The following PDE6B variants were observed in gnomAD, a reference collection of about 807,000 sequenced individuals.
The protein encoded by PDE6B is rod cGMP-specific 3',5'-cyclic phosphodiesterase subunit beta.
PDE6B carries 106 observed loss-of-function variants against 109.0 expected under a neutral mutation model. The observed-to-expected ratio is 0.97, with a 90% CI of 0.83 to 1.14. The LOEUF is 1.14. Ranked by LOEUF, PDE6B falls within the 50% of genes most tolerant of loss-of-function variation. PDE6B has a pLI of 0.00. For missense variants in PDE6B, 1,193 were observed against 1,155.6 expected, an observed-to-expected ratio of 1.03 and a Z score of -0.47; for synonymous variants, 490 against 471.3, an observed-to-expected ratio of 1.04 and a Z score of -0.51.
At chr4:635,509 G>A (rs1337845162) in intron 2 of PDE6B, among the ~76,000 whole-genome samples, 3 of 113,072 alleles carry the variant, frequency 2.7e-5, no homozygotes, top group Non-Finnish European at 5.6e-5. Flanking sequence ...GTTCTGTGCT[G>A]TGCGTCCACC....
chr4:665,423 CAG>C lies in PDE6B; in HGVS notation c.2268+95_2268+96del, dbSNP rs1339903909. 2.3e-6 allele frequency: 2 copies of C among 861,742 alleles called. No individual in the cohort carries two copies. Among genetic ancestry groups the C allele is most frequent in the African/African-American group, 3.3e-5 (2 of 60,826 alleles). 53.4% of individuals were successfully genotyped at this position (861,742 alleles called of 1,614,324 possible). A position where few individuals can be genotyped will look rare whatever the true frequency, so the allele number is the denominator to read the frequency against. On this transcript the variant is annotated intron_variant, in intron 19 of 21. Transcript: ENST00000496514. The surrounding 1 kb of genome is among the most constrained non-coding windows in gnomAD (Gnocchi z 4.0). The stretch of plus-strand genomic sequence containing the variant: ...CCTCAGGTCCTGGCTTGGTCTCAGG[CAG>C]GGGGTTCTGAGGTCGTGGGGTCCTT...
chr4:661,677 A>G (rs1459623430), intron 12 of PDE6B: 1 of 153,776 alleles, frequency 6.5e-6, no homozygotes, highest in Non-Finnish European at 1.4e-5. Context: ...CCGCAGGAAG[A>G]GCCTCCTGGC....
In PDE6B at chr4:664,716, TGAGGCACAAGAATCGGGAGGCG is replaced by T. The variant is rs544741134; in HGVS notation, c.2130-160_2130-139del. On this transcript the variant is annotated intron_variant, in intron 17 of 21. Transcript: ENST00000496514. ...CTGTAATCCCAGCTACTCGGGAGGCTGAGGCACAAGAATCGGGAGGCGGAGGTTGCAGTGAGCTGAGATTGCG... is the reference window on the plus strand; with the variant it reads ...CTGTAATCCCAGCTACTCGGGAGGCTGAGGTTGCAGTGAGCTGAGATTGCG... Among the ~76,000 whole-genome samples, 700 of 152,256 alleles carry T rather than the reference TGAGGCACAAGAATCGGGAGGCG, an allele frequency of 4.6e-3. 2 individuals carry two copies. The highest frequency in any genetic ancestry group is 7.4e-3 in the Admixed American group (113 of 15,286).
At chr4:651,213 C>T (rs1436858769) in intron 3 of PDE6B, among the ~76,000 whole-genome samples, 4 of 149,906 alleles carry the variant, frequency 2.7e-5, no homozygotes, top group East Asian at 2.0e-4. Flanking sequence ...GCTGAGGCGG[C>T]GATGTCAACG....
intron 3 of PDE6B, among the ~76,000 whole-genome samples, chr4:647,626 C>T (rs1262443942): frequency 6.6e-6 from 1 of 152,016 alleles, no homozygotes; most frequent in Non-Finnish European, 1.5e-5. Flanking sequence ...GTAGGGGCCC[C>T]AGGCTCGTGA....
rs191774237 is a variant in PDE6B at position 666,714 on chromosome 4, G to A, written c.2352+100G>A. ...TCGCGTGGACTCACACGGGCCCGGC[G>A]GTGTCCTCACTGGAGTAGGGATGCC... On this transcript the variant is annotated intron_variant, in intron 20 of 21. Coordinates refer to ENST00000496514, the MANE Select transcript of PDE6B (RefSeq NM_000283.4). This position sits in a 1 kb window ranked among gnomAD's most constrained non-coding sequence, Gnocchi z 5.6. 90 of 794,754 alleles carry A rather than the reference G, an allele frequency of 1.1e-4. No homozygotes were observed. Among genetic ancestry groups the A allele is most frequent in the African/African-American group, 9.1e-4 (54 of 59,118 alleles). 49.2% of individuals were successfully genotyped at this position (794,754 alleles called of 1,614,324 possible).
chr4:654,950 C>A, intron 6 of PDE6B, 62 bp downstream of exon 6: 1 of 977,100 alleles, frequency 1.0e-6, no homozygotes, highest in Non-Finnish European at 1.7e-6. Flanking sequence ...GACCCCGGCT[C>A]AGCCCCCAGG....
rs1737813498 is a variant in PDE6B at position 666,539 on chromosome 4, G to A, written c.2277G>A (p.Met759Ile). The change falls in exon 20 of 22, where the codon ATG becomes ATA. Residue 759 changes from methionine to isoleucine, a missense_variant. Physicochemically the swap from Met to Ile is conservative, Grantham distance 10. Transcript: ENST00000496514. The surrounding 1 kb of genome is among the most constrained non-coding windows in gnomAD (Gnocchi z 5.6). ...TCTGTTCCTCCCACCAGCCTATGAT[G>A]GACCGGAACAAGGCGGCCGAGCTCC... Reference protein sequence around the residue: ...TVLDQQPIPMMDRNKAAELPK... With the variant: ...TVLDQQPIPMIDRNKAAELPK... The A allele has an allele frequency of 6.2e-7, 1 of 1,611,394 alleles. No individual in the cohort carries two copies. Among genetic ancestry groups the A allele is most frequent in the African/African-American group, 1.3e-5 (1 of 74,880 alleles).
At chr4:639,918 G>T (rs1480208768) in intron 3 of PDE6B, among the ~76,000 whole-genome samples, 11 of 151,940 alleles carry the variant, frequency 7.2e-5, no homozygotes, top group Admixed American at 6.6e-4. Context: ...TCCCCCTCAG[G>T]TCCTCCTCCC....
At chr4:656,134 C>A in intron 7 of PDE6B, 111 bp from the exon 8 acceptor site, 1 of 1,008,160 alleles carries the variant, frequency 9.9e-7, no homozygotes, top group Non-Finnish European at 1.6e-6. Flanking sequence ...AAGCCCCCAG[C>A]TGCCCTGCTT....
chr4:663,310 C>T lies in PDE6B; in HGVS notation c.1920+123C>T. 2 of 714,552 alleles carry T rather than the reference C, an allele frequency of 2.8e-6. No homozygotes were observed. The highest frequency in any genetic ancestry group is 5.2e-6 in the Non-Finnish European group (2 of 386,848). 44.3% of individuals were successfully genotyped at this position (714,552 alleles called of 1,614,324 possible). Reference sequence around the variant, plus strand: ...CGGGTGAGCACTGGGTGTGTGAGCACTGGGGGAGGGCGGCAGAGAAGGCGG... The same window carrying T: ...CGGGTGAGCACTGGGTGTGTGAGCATTGGGGGAGGGCGGCAGAGAAGGCGG... On this transcript the variant is annotated intron_variant, in intron 15 of 21. Coordinates refer to ENST00000496514, the MANE Select transcript of PDE6B (RefSeq NM_000283.4). This position sits in a 1 kb window ranked among gnomAD's most constrained non-coding sequence, Gnocchi z 4.0.
intron 3 of PDE6B, among the ~76,000 whole-genome samples, chr4:646,982 T>A (rs545646545): frequency 1.3e-5 from 2 of 151,868 alleles, no homozygotes; most frequent in African/African-American, 4.8e-5. Context: ...CTCAGCCTCC[T>A]GAGTAGCTGG....
chr4:659,295 C>G (rs910123542), intron 11 of PDE6B, among the ~76,000 whole-genome samples: 2 of 152,198 alleles, frequency 1.3e-5, no homozygotes, highest in African/African-American at 2.4e-5. Context: ...GTCTTCCTGT[C>G]TCCTCTGTGC....
At chr4:661,765 A>T in intron 12 of PDE6B, 1 of 330,930 alleles carries the variant, frequency 3.0e-6, no homozygotes, top group Non-Finnish European at 6.0e-6. Flanking sequence ...TGCAGCCCAC[A>T]CATTCTGCTC....
rs1192415425 is a variant in PDE6B at position 664,890 on chromosome 4, G to A, written c.2139G>A (p.Met713Ile). The A allele has an allele frequency of 2.5e-6, 4 of 1,613,272 alleles. No individual in the cohort carries two copies. The highest frequency in any genetic ancestry group is 8.5e-7 in the Non-Finnish European group (1 of 1,179,900). ...CGGTTTGTGTCTGCAGGGCCATGAT[G>A]ATGACAGCCTGCGACCTGTCTGCCA... ...TTRKEIVMAMMMTACDLSAIT... is the reference protein window; with the variant it reads ...TTRKEIVMAMIMTACDLSAIT... The change falls in exon 18 of 22, where the codon ATG becomes ATA. Residue 713 changes from methionine (M) to isoleucine (I), a missense_variant. Met to Ile is a conservative substitution (Grantham distance 10). Coordinates refer to ENST00000496514, the MANE Select transcript of PDE6B (RefSeq NM_000283.4).
intron 11 of PDE6B, among the ~76,000 whole-genome samples, chr4:660,008 AGCCTACATGCGTGAGTCTGCACGTGTGT>A (rs1736873583): frequency 6.6e-6 from 1 of 151,480 alleles, no homozygotes; most frequent in East Asian, 2.0e-4. Flanking sequence ...TGTGTGTGTG[AGCCTACATGCGTGAGTCTGCACGTGTGT>A]GCCTGCATGT....
Position 662,736 on chromosome 4 carries a change from C to A in PDE6B, c.1832+118C>A. On this transcript the variant is annotated intron_variant, in intron 14 of 21. Transcript: ENST00000496514. The surrounding 1 kb of genome is among the most constrained non-coding windows in gnomAD (Gnocchi z 4.3). Reference sequence around the variant, plus strand: ...GTGGAGTCCACGGCCAGGCCCCGTACTCCAGCACTGTGGGAGGCCAAGGCG... The same window carrying A: ...GTGGAGTCCACGGCCAGGCCCCGTAATCCAGCACTGTGGGAGGCCAAGGCG... The A allele has an allele frequency of 1.3e-6, 1 of 744,074 alleles. No homozygotes were observed. The highest frequency in any genetic ancestry group is 2.4e-6 in the Non-Finnish European group (1 of 418,272). 46.1% of individuals were successfully genotyped at this position (744,074 alleles called of 1,614,324 possible). A position where few individuals can be genotyped will look rare whatever the true frequency, so the allele number is the denominator to read the frequency against.
chr4:670,160 T>A lies in PDE6B; in HGVS notation c.*53T>A. ...TCCCTCAATCTTCACCCACTAGGAT[T>A]TGGGTTCTGCCTGTGGCTATTTGCT... On this transcript the variant is annotated 3_prime_UTR_variant, in exon 22 of 22. Coordinates refer to ENST00000496514, the MANE Select transcript of PDE6B (RefSeq NM_000283.4). The A allele has an allele frequency of 6.2e-7, 1 of 1,611,194 alleles. No homozygotes were observed. Among genetic ancestry groups the A allele is most frequent in the Non-Finnish European group, 8.5e-7 (1 of 1,178,168 alleles).
At chr4:643,529 C>T (rs1351127481) in intron 3 of PDE6B, among the ~76,000 whole-genome samples, 2 of 152,098 alleles carry the variant, frequency 1.3e-5, no homozygotes, top group African/African-American at 4.8e-5. Flanking sequence ...ACCAGTGAAA[C>T]TATTAGGGAC....
Sources: gnomAD v4.1 joint callset for allele counts (sites outside exome capture counted in the v4.1 genomes callset) on GRCh38, gnomAD v4.1.1 for gene constraint, Gnocchi (gnomAD v3.1) non-coding constraint, MANE v1.5 for transcripts, NCBI Gene and HGNC (gene_info 2026-07-23, HGNC 2026-07-21) for gene names.